The following RNF217 variants were observed in gnomAD, a reference collection of about 807,000 sequenced individuals.
The protein encoded by RNF217 is ring finger protein 217, also known as E3 ubiquitin-protein ligase RNF217.
RNF217 carries 31 observed loss-of-function variants against 57.8 expected under a neutral mutation model. That is an observed-to-expected ratio of 0.54 (90% CI 0.40 to 0.72). The LOEUF is 0.72. Ranked by LOEUF, RNF217 falls within the 30% of genes least tolerant of loss-of-function variation. RNF217 has a pLI of 0.00. For missense variants in RNF217, 696 were observed against 708.3 expected (o/e 0.98, Z 0.20); for synonymous variants, 313 against 294.0 (o/e 1.06, Z -0.66).
At chr6:125,046,550 A>C (rs1051303553) in intron 2 of RNF217, 3 of 455,394 alleles carry the variant, frequency 6.6e-6, no homozygotes, top group Non-Finnish European at 1.3e-5. Context: ...TCTTTGCAGT[A>C]AATGAAGCAG....
intron 1 of RNF217, among the ~76,000 whole-genome samples, chr6:125,004,534 C>T (rs1253856286): frequency 1.3e-5 from 2 of 152,174 alleles, no homozygotes; most frequent in African/African-American, 4.8e-5. Context: ...ACGAGAATGA[C>T]TTTCTTCCCT....
At chr6:125,006,476 A>G (rs1486617625) in intron 1 of RNF217, among the ~76,000 whole-genome samples, 1 of 152,204 alleles carries the variant, frequency 6.6e-6, no homozygotes, top group Non-Finnish European at 1.5e-5. Context: ...TTCCACAGAA[A>G]TTTACAGCAT....
intron 1 of RNF217, among the ~76,000 whole-genome samples, chr6:124,981,061 C>A (rs1784143254): frequency 6.6e-6 from 1 of 152,170 alleles, no homozygotes; most frequent in Non-Finnish European, 1.5e-5. Context: ...GTAATTTACT[C>A]AATTTAAAAT....
intron 3 of RNF217, among the ~76,000 whole-genome samples, chr6:125,060,976 A>ATATTACTGAGTAGT (rs1787710791): frequency 6.6e-6 from 1 of 152,196 alleles, no homozygotes; most frequent in African/African-American, 2.4e-5. Context: ...CATTGCAAAC[A>ATATTACTGAGTAGT]TTTCTCATAT....
intron 3 of RNF217, among the ~76,000 whole-genome samples, chr6:125,075,640 T>C (rs1788334875): frequency 6.6e-6 from 1 of 152,158 alleles, no homozygotes; most frequent in African/African-American, 2.4e-5. Context: ...CAATTCAAGG[T>C]GATATTTAGG....
intron 1 of RNF217, among the ~76,000 whole-genome samples, chr6:125,031,343 A>T (rs1023044956): frequency 6.6e-6 from 1 of 152,186 alleles, no homozygotes; most frequent in African/African-American, 2.4e-5. Flanking sequence ...AGCTGGCTTG[A>T]ATTTTTCTGT....
chr6:125,063,323 TA>T (rs1787811610), intron 3 of RNF217, among the ~76,000 whole-genome samples: 1 of 152,194 alleles, frequency 6.6e-6, no homozygotes, highest in Non-Finnish European at 1.5e-5. Context: ...ACACATACAC[TA>T]AATTGTAATT....
intron 2 of RNF217, among the ~76,000 whole-genome samples, chr6:125,054,682 TG>T (rs1787457911): frequency 6.6e-6 from 1 of 152,226 alleles, no homozygotes; most frequent in South Asian, 2.1e-4. Flanking sequence ...GACTCATTCC[TG>T]GTCCAATAAA....
intron 1 of RNF217, among the ~76,000 whole-genome samples, chr6:125,029,990 AAG>A (rs1280253109): frequency 2.0e-5 from 3 of 152,126 alleles, no homozygotes; most frequent in African/African-American, 7.2e-5. Flanking sequence ...AATTGGACTT[AAG>A]AGTTACACGT....
chr6:125,005,933 T>C (rs1785162366), intron 1 of RNF217: 1 of 152,220 alleles, frequency 6.6e-6, no homozygotes, highest in Non-Finnish European at 1.5e-5. Context: ...AAAAATCATT[T>C]ATACTGTGCC....
intron 1 of RNF217, among the ~76,000 whole-genome samples, chr6:124,979,521 G>A (rs902247253): frequency 6.6e-6 from 1 of 152,154 alleles, no homozygotes; most frequent in Non-Finnish European, 1.5e-5. Context: ...GAGCACCAAA[G>A]GCAGAAGGAC....
chr6:125,003,128 A>G (rs1785051385), intron 1 of RNF217, among the ~76,000 whole-genome samples: 1 of 152,128 alleles, frequency 6.6e-6, no homozygotes, highest in African/African-American at 2.4e-5. Context: ...ACACACACAC[A>G]TACCTATTCA....
intron 1 of RNF217, among the ~76,000 whole-genome samples, chr6:125,010,613 A>G (rs1317113001): frequency 6.6e-6 from 1 of 152,222 alleles, no homozygotes; most frequent in African/African-American, 2.4e-5. Context: ...TATGCAATAA[A>G]AATAGTTCGT....
intron 3 of RNF217, among the ~76,000 whole-genome samples, chr6:125,072,261 A>G (rs191563665): frequency 6.6e-5 from 10 of 152,306 alleles, no homozygotes; most frequent in Middle Eastern, 3.4e-3. Flanking sequence ...TATAATCAAG[A>G]TATATTCATA....
chr6:124,963,808 G>C (rs1783413788), intron 1 of RNF217, among the ~76,000 whole-genome samples: 1 of 152,232 alleles, frequency 6.6e-6, no homozygotes, highest in South Asian at 2.1e-4. Flanking sequence ...TATTTATGGA[G>C]CTGGTGGAGA....
intron 4 of RNF217, among the ~76,000 whole-genome samples, chr6:125,079,595 TCTG>T (rs2114650889): frequency 6.6e-6 from 1 of 152,278 alleles, no homozygotes; most frequent in African/African-American, 2.4e-5. Flanking sequence ...TGATAAGACA[TCTG>T]CTAACTATTG....
At chr6:125,036,150 C>A (rs555424426) in intron 1 of RNF217, among the ~76,000 whole-genome samples, 3 of 152,166 alleles carry the variant, frequency 2.0e-5, no homozygotes, top group Non-Finnish European at 4.4e-5. Flanking sequence ...TCGTTCGACT[C>A]CCACTTATGA....
At chr6:125,056,107 G>A (rs1787514184) in intron 2 of RNF217, among the ~76,000 whole-genome samples, 1 of 152,048 alleles carries the variant, frequency 6.6e-6, no homozygotes, top group Admixed American at 6.6e-5. Context: ...ATAGTTTAAT[G>A]ATATGACCAT....
In RNF217 at chr6:124,963,893, A is replaced by C. The variant is rs7774635; in HGVS notation, c.882+467A>C. Among the ~76,000 whole-genome samples the C allele has an allele frequency of 2.0e-3, 308 of 152,400 alleles. 1 individual carries two copies. The highest frequency in any genetic ancestry group is 7.1e-3 in the African/African-American group (296 of 41,594). ...TTGCTTCATTTGTATATTCCAGGAA[A>C]GAGTGAATGTTTAAAAAAATGTATC... On this transcript the variant is annotated intron_variant, in intron 1 of 5. Coordinates refer to ENST00000521654, the MANE Select transcript of RNF217 (RefSeq NM_001286398.3).
Sources: allele counts gnomAD v4.1 joint callset (sites outside exome capture counted in the v4.1 genomes callset), GRCh38; gene constraint gnomAD v4.1.1; transcripts MANE v1.5; gene names NCBI Gene and HGNC (gene_info 2026-07-23, HGNC 2026-07-21).